The following GRHL2 variants were observed in gnomAD, a reference collection of about 807,000 sequenced individuals.
GRHL2 encodes the protein grainyhead-like protein 2 homolog.
In GRHL2, 21 loss-of-function variants were observed where a neutral mutation model predicts 83.8. The ratio of observed to expected loss-of-function variants is 0.25; its 90% confidence interval spans 0.18 to 0.36. The LOEUF is 0.36. Among genes scored for constraint, GRHL2 ranks in the 10% least tolerant of loss-of-function variants. The probability of loss-of-function intolerance (pLI) is 1.00; values close to 1 mark genes in which losing one functional copy is unlikely to be tolerated. For missense variants in GRHL2, 623 were observed against 781.8 expected, an observed-to-expected ratio of 0.80 and a Z score of 2.42; for synonymous variants, 280 against 278.9, an observed-to-expected ratio of 1.00 and a Z score of -0.04.
intron 2 of GRHL2, 90 bp downstream of exon 2, chr8:101,543,526 C>T (rs769099387): frequency 8.2e-7 from 1 of 1,218,752 alleles, no homozygotes. Context: ...TGTCCCAGGC[C>T]AGGGAACTAA....
downstream of GRHL2, chr8:101,669,873 T>G (rs1814173690): frequency 6.6e-6 from 1 of 152,140 alleles, no homozygotes; most frequent in African/African-American, 2.4e-5. Context: ...CCTGGTAAAG[T>G]TACTTTGCTG....
At chr8:101,634,529 G>A (rs2130406137) in intron 11 of GRHL2, among the ~76,000 whole-genome samples, 1 of 152,294 alleles carries the variant, frequency 6.6e-6, no homozygotes, top group Admixed American at 6.5e-5. Flanking sequence ...GATATGGCTG[G>A]TTTCCCTTAA....
chr8:101,642,425 A>C (rs1302745004), intron 12 of GRHL2, among the ~76,000 whole-genome samples: 1 of 152,230 alleles, frequency 6.6e-6, no homozygotes, highest in Admixed American at 6.5e-5. Context: ...CTCACACAGC[A>C]TGATGGAGTG....
At chr8:101,541,193 C>A (rs1223302713) in intron 1 of GRHL2, among the ~76,000 whole-genome samples, 1 of 141,168 alleles carries the variant, frequency 7.1e-6, no homozygotes, top group African/African-American at 2.6e-5. Flanking sequence ...TGTGTGTGTA[C>A]ACCATGTTTT....
At position 101,543,333 on chromosome 8, in the gene GRHL2, C is replaced by T; in HGVS notation, c.113C>T (p.Ser38Leu). Reference sequence around the variant, plus strand: ...ACCAGTGAGGATGAAGCCTGGAAGTCATACTTGGAGAATCCCCTGACAGCA... The same window carrying T: ...ACCAGTGAGGATGAAGCCTGGAAGTTATACTTGGAGAATCCCCTGACAGCA... ...AYTSEDEAWK[S>L]YLENPLTAAT... is the part of the protein sequence containing the mutation. Residue 38 changes from serine (S) to leucine (L), a missense_variant, in exon 2 of 16, where the codon TCA becomes TTA. By Grantham distance (145) the Ser-to-Leu change is moderately radical. Transcript: ENST00000646743. The T allele has an allele frequency of 6.2e-7, 1 of 1,614,080 alleles. No homozygotes were observed. Among genetic ancestry groups the T allele is most frequent in the Non-Finnish European group, 8.5e-7 (1 of 1,179,962 alleles).
chr8:101,599,721 A>C (rs893976680), intron 8 of GRHL2, among the ~76,000 whole-genome samples: 4 of 152,198 alleles, frequency 2.6e-5, no homozygotes, highest in African/African-American at 9.6e-5. Flanking sequence ...AAGAAGTACA[A>C]AGGTAAAATC....
chr8:101,493,754 C>T (rs544142805), intron 1 of GRHL2, among the ~76,000 whole-genome samples: 25 of 152,164 alleles, frequency 1.6e-4, no homozygotes, highest in Non-Finnish European at 2.2e-4. Flanking sequence ...GAACGCTGGG[C>T]TCGCGTCCTT....
At chr8:101,643,938 T>C (rs1813455566) in intron 12 of GRHL2, among the ~76,000 whole-genome samples, 193 bp from the exon 13 acceptor site, 1 of 152,118 alleles carries the variant, frequency 6.6e-6, no homozygotes, top group African/African-American at 2.4e-5. Context: ...GCCCTAAAGA[T>C]AGTGGTGTGT....
chr8:101,539,910 T>C (rs1028648313), intron 1 of GRHL2, among the ~76,000 whole-genome samples: 1 of 152,198 alleles, frequency 6.6e-6, no homozygotes, highest in Non-Finnish European at 1.5e-5. Context: ...CATGGCCCTG[T>C]GATAGTGATA....
intron 9 of GRHL2, among the ~76,000 whole-genome samples, chr8:101,630,745 G>T (rs1004015329): frequency 5.3e-5 from 8 of 152,176 alleles, no homozygotes; most frequent in African/African-American, 1.9e-4. Context: ...CAAAGACACA[G>T]GTTAATTCTT....
chr8:101,532,670 C>A (rs1810960847), intron 1 of GRHL2, among the ~76,000 whole-genome samples: 1 of 151,420 alleles, frequency 6.6e-6, no homozygotes, highest in Admixed American at 6.6e-5. Context: ...AGGAGAATTG[C>A]TTGAACCTGG....
At chr8:101,555,644 C>T (rs1019333181) in intron 3 of GRHL2, among the ~76,000 whole-genome samples, 2 of 152,132 alleles carry the variant, frequency 1.3e-5, no homozygotes, top group Non-Finnish European at 2.9e-5. Flanking sequence ...TTCTTATATA[C>T]AGGTTCACTC....
chr8:101,537,781 T>A (rs1032770930), intron 1 of GRHL2, among the ~76,000 whole-genome samples: 1 of 152,168 alleles, frequency 6.6e-6, no homozygotes, highest in African/African-American at 2.4e-5. Context: ...CCTCCCCCTA[T>A]ATCAAGACAA....
chr8:101,552,657 T>G (rs113798475), intron 2 of GRHL2, 58 bp from the exon 3 acceptor site: 1 of 1,531,996 alleles, frequency 6.5e-7, no homozygotes, highest in Non-Finnish European at 9.0e-7. Flanking sequence ...TGTCCAGCTC[T>G]GAACATGGTC....
Position 101,570,376 on chromosome 8 carries a change from T to G in GRHL2, c.716T>G (p.Met239Arg). The G allele has an allele frequency of 6.2e-7, 1 of 1,613,958 alleles. No homozygotes were observed. The highest frequency in any genetic ancestry group is 1.7e-5 in the Admixed American group (1 of 60,030). ...RSASVGAEEY[M>R]YDQTSSGTFQ... Reference sequence around the variant, plus strand: ...GCTTCAGTTGGGGCTGAGGAGTACATGTATGATCAGACATCAAGGTGAGTT... The same window carrying G: ...GCTTCAGTTGGGGCTGAGGAGTACAGGTATGATCAGACATCAAGGTGAGTT... The change falls in exon 5 of 16, where the codon ATG becomes AGG. Residue 239 changes from methionine to arginine, a missense_variant. Physicochemically the swap from Met to Arg is moderately conservative, Grantham distance 91. Transcript: ENST00000646743.
rs1202228824 is a variant in GRHL2 at position 101,571,592 on chromosome 8, C to T, written c.734+1198C>T. 2.0e-5 allele frequency among the ~76,000 whole-genome samples: 3 copies of T among 152,028 alleles called. No homozygotes were observed. The East Asian group carries it at 5.8e-4, about 29-fold the overall frequency. ...TTATCATTTCAGGCAGAATTGAACT[C>T]AAATTCCTTATGAAGGTCATCAGGG... is the stretch of plus-strand genomic sequence containing the variant. On this transcript the variant is annotated intron_variant, in intron 5 of 15. Transcript: ENST00000646743.
Position 101,614,313 on chromosome 8 carries a change from TG to T in GRHL2, c.1099-5225del, listed in dbSNP as rs1812812388. On this transcript the variant is annotated intron_variant, in intron 8 of 15. Coordinates refer to ENST00000646743, the MANE Select transcript of GRHL2 (RefSeq NM_024915.4). ...GGTACATTTAGAAACAATCTTTATCTGAATCAATCTTTGAACTGATGACAAA... is the reference window on the plus strand; with the variant it reads ...GGTACATTTAGAAACAATCTTTATCTAATCAATCTTTGAACTGATGACAAA... Among the ~76,000 whole-genome samples the T allele has an allele frequency of 2.6e-5, 4 of 151,318 alleles. No individual in the cohort carries two copies. The South Asian group carries it at 8.3e-4, about 31-fold the overall frequency.
intron 1 of GRHL2, among the ~76,000 whole-genome samples, chr8:101,513,855 G>A (rs1289141468): frequency 1.1e-4 from 16 of 152,042 alleles, no homozygotes; most frequent in Admixed American, 9.8e-4. Context: ...GAAACTTTCC[G>A]TGCTTTATTA....
At chr8:101,507,033 C>T (rs141733545) in intron 1 of GRHL2, among the ~76,000 whole-genome samples, 200 of 152,266 alleles carry the variant, frequency 1.3e-3, no homozygotes, top group African/African-American at 4.4e-3. Context: ...TCCCCTCTGG[C>T]GTCTACCCAA....
Sources: gnomAD v4.1 joint callset for allele counts (sites outside exome capture counted in the v4.1 genomes callset) on GRCh38, gnomAD v4.1.1 for gene constraint, MANE v1.5 for transcripts, NCBI Gene and HGNC (gene_info 2026-07-23, HGNC 2026-07-21) for gene names.